The following CARD6 variants were observed in gnomAD, a reference collection of about 807,000 sequenced individuals.
The protein encoded by CARD6 is caspase recruitment domain-containing protein 6.
CARD6 carries 27 observed loss-of-function variants against 23.6 expected under a neutral mutation model. The ratio of observed to expected loss-of-function variants is 1.14; its 90% CI spans 0.84 to 1.58. The LOEUF is 1.58. Among genes scored for constraint, CARD6 ranks in the 40% most tolerant of loss-of-function variants. The probability of loss-of-function intolerance (pLI) is 0.00; values close to 1 mark genes in which losing one functional copy is unlikely to be tolerated. For synonymous variants in CARD6, 397 were observed against 431.8 expected (o/e 0.92, Z 1.00); for missense variants, 1,214 against 1,209.9 (o/e 1.00, Z -0.05).
intron 1 of CARD6, 45 bp from the exon 2 acceptor site, chr5:40,843,107 C>G: frequency 1.5e-6 from 2 of 1,337,672 alleles, no homozygotes; most frequent in Non-Finnish European, 2.1e-6. Flanking sequence ...AGCTGTTATA[C>G]AGCTTCTTTT....
At chr5:40,850,304 C>T (rs1282070121) in intron 2 of CARD6, among the ~76,000 whole-genome samples, 3 of 148,138 alleles carry the variant, frequency 2.0e-5, no homozygotes, top group Non-Finnish European at 4.4e-5. Context: ...GTCCCAGCTA[C>T]TTGGGAGGCT....
chr5:40,854,981 A>T lies in CARD6; in HGVS notation c.*535A>T, dbSNP rs1004189383. The stretch of plus-strand genomic sequence containing the variant: ...AATTAAGACTAGAATCAAGCAGTAG[A>T]TAATTGAATCCAATCTTGGGTATTA... On this transcript the variant is annotated 3_prime_UTR_variant, in exon 3 of 3. Transcript: ENST00000254691. The T allele has an allele frequency of 6.5e-6, 1 of 154,596 alleles. No individual in the cohort carries two copies. Among genetic ancestry groups the T allele is most frequent in the Non-Finnish European group, 1.4e-5 (1 of 69,576 alleles). 9.6% of individuals were successfully genotyped at this position (154,596 alleles called of 1,614,324 possible).
At chr5:40,845,933 T>A (rs1000992001) in intron 2 of CARD6, among the ~76,000 whole-genome samples, 1 of 152,118 alleles carries the variant, frequency 6.6e-6, no homozygotes, top group African/African-American at 2.4e-5. Flanking sequence ...CACTCATGCA[T>A]CTGTGATGAG....
In CARD6 at chr5:40,854,470, A is replaced by C. The variant is rs758643448; in HGVS notation, c.*24A>C. 2.4e-5 allele frequency: 37 copies of C among 1,571,546 alleles called. No individual in the cohort carries two copies. In the South Asian group the frequency reaches 3.9e-4, roughly 17 times the overall value. On this transcript the variant is annotated 3_prime_UTR_variant, in exon 3 of 3. Transcript: ENST00000254691. ...AAAGAGCTAACTCCAGAGATCTATA[A>C]AGCATATCCTTTACCCAGGCCATTC... is the stretch of plus-strand genomic sequence containing the variant.
rs779593845 is a variant in CARD6 at position 40,841,661 on chromosome 5, G to T, written c.279G>T (p.Arg93Ser). 1.2e-6 allele frequency: 2 copies of T among 1,612,038 alleles called. No individual in the cohort carries two copies. Among genetic ancestry groups the T allele is most frequent in the Non-Finnish European group, 1.7e-6 (2 of 1,178,856 alleles). ...AGTCAGCTGCCATTTGCGGCTTAAG[G>T]CATGGTAAGTTGACTTTGTATACTT... ...FPQSAAICGL[R>S]HEVLKHENTV... The change falls in exon 1 of 3, where the codon AGG becomes AGT. Residue 93 changes from arginine to serine, a missense_variant. Coordinates refer to ENST00000254691, the MANE Select transcript of CARD6 (RefSeq NM_032587.4).
intron 2 of CARD6, among the ~76,000 whole-genome samples, chr5:40,847,576 C>T (rs1182406418): frequency 6.6e-6 from 1 of 152,052 alleles, no homozygotes; most frequent in Non-Finnish European, 1.5e-5. Context: ...TTTTATTTTG[C>T]CTTCATTCCA....
Position 40,841,619 on chromosome 5 carries a change from A to AT in CARD6, c.240dup (p.Ser81Ter), listed in dbSNP as rs1452270753. ...CCTGTCAGCATTTTCTCAAGTGTTTATTTAGTACTTTTCCACAGTCAGCTG... is the reference window on the plus strand; with the variant it reads ...CCTGTCAGCATTTTCTCAAGTGTTTATTTTAGTACTTTTCCACAGTCAGCTG... On this transcript the variant is annotated frameshift_variant, in exon 1 of 3. Coordinates refer to ENST00000254691, the MANE Select transcript of CARD6 (RefSeq NM_032587.4). LOFTEE classifies it high-confidence loss of function. 6.2e-7 allele frequency: 1 copy of AT among 1,613,952 alleles called. No homozygotes were observed. Among genetic ancestry groups the AT allele is most frequent in the Non-Finnish European group, 8.5e-7 (1 of 1,179,980 alleles).
At position 40,854,369 on chromosome 5, in the gene CARD6, A is replaced by C. The variant is rs1314233284; in HGVS notation, c.3037A>C (p.Lys1013Gln). The change falls in exon 3 of 3, where the codon AAG (lysine) becomes CAG (glutamine). Residue 1013 changes from lysine to glutamine, a missense_variant. By Grantham distance (53) the Lys-to-Gln change is moderately conservative. Coordinates refer to ENST00000254691, the MANE Select transcript of CARD6 (RefSeq NM_032587.4). ...KPSQPRPPQP[K>Q]SSSTNPSQAK... ...TTCTCAGCCCAGACCCCCTCAACCT[A>C]AGTCATCCTCAACCAATCCTTCACA... is the stretch of plus-strand genomic sequence containing the variant. 2 of 1,613,874 alleles carry C rather than the reference A, an allele frequency of 1.2e-6. No homozygotes were observed. Among genetic ancestry groups the C allele is most frequent in the African/African-American group, 1.3e-5 (1 of 74,874 alleles).
In CARD6 at chr5:40,854,361, C is replaced by T. The variant is rs1184302679; in HGVS notation, c.3029C>T (p.Pro1010Leu). 1.2e-5 allele frequency: 20 copies of T among 1,614,060 alleles called. No individual in the cohort carries two copies. The highest frequency in any genetic ancestry group is 1.6e-5 in the Non-Finnish European group (19 of 1,180,034). ...TCTAAGCCTTCTCAGCCCAGACCCC[C>T]TCAACCTAAGTCATCCTCAACCAAT... The part of the protein sequence containing the change: ...PQSKPSQPRP[P>L]QPKSSSTNPS... The change falls in exon 3 of 3, where the codon CCT becomes CTT. Residue 1010 changes from proline to leucine, a missense_variant. Pro to Leu is a moderately conservative substitution (Grantham distance 98, BLOSUM62 -3). Coordinates refer to ENST00000254691, the MANE Select transcript of CARD6 (RefSeq NM_032587.4).
chr5:40,854,467 A>G lies in CARD6; in HGVS notation c.*21A>G, dbSNP rs752922637. On this transcript the variant is annotated 3_prime_UTR_variant, in exon 3 of 3. Coordinates refer to ENST00000254691, the MANE Select transcript of CARD6 (RefSeq NM_032587.4). ...ATTAAAGAGCTAACTCCAGAGATCT[A>G]TAAAGCATATCCTTTACCCAGGCCA... 12 of 1,576,280 alleles carry G rather than the reference A, an allele frequency of 7.6e-6. No homozygotes were observed. The East Asian group carries it at 1.1e-4, about 15-fold the overall frequency.
intron 2 of CARD6, among the ~76,000 whole-genome samples, chr5:40,846,991 AC>A (rs1745977327): frequency 6.6e-6 from 1 of 152,212 alleles, no homozygotes; most frequent in African/African-American, 2.4e-5. Context: ...GATAGCAAAG[AC>A]TATGGATACC....
chr5:40,848,302 T>G (rs1173624851), intron 2 of CARD6, among the ~76,000 whole-genome samples: 1 of 150,326 alleles, frequency 6.7e-6, no homozygotes, highest in African/African-American at 2.4e-5. Context: ...CTCAGTCTCC[T>G]AGGCTGAGGC....
At position 40,853,614 on chromosome 5, in the gene CARD6, A is replaced by G; in HGVS notation, c.2282A>G (p.Gln761Arg). 6.2e-7 allele frequency: 1 copy of G among 1,614,238 alleles called. No individual in the cohort carries two copies. Among genetic ancestry groups the G allele is most frequent in the Non-Finnish European group, 8.5e-7 (1 of 1,180,038 alleles). ...ATGGGCCGCCCCTTTGGGTCAGAGC[A>G]GAGGCCTAAGTGGTTCCATCCTTTG... ...WVMGRPFGSE[Q>R]RPKWFHPLPF... Residue 761 changes from glutamine to arginine, a missense_variant, in exon 3 of 3, where the codon CAG (glutamine) becomes CGG (arginine). Physicochemically the swap from Gln to Arg is conservative, Grantham distance 43 (BLOSUM62 1). Coordinates refer to ENST00000254691, the MANE Select transcript of CARD6 (RefSeq NM_032587.4).
At position 40,853,283 on chromosome 5, in the gene CARD6, A is replaced by G. The variant is rs1746111900; in HGVS notation, c.1951A>G (p.Arg651Gly). ...TGTGGAGGATATGGCCGCCCTGGCC[A>G]GGGAGCTGGGGATTCAGGTAGATGA... Reference protein sequence around the residue: ...VSVEDMAALARELGIQVDEDF... With the variant: ...VSVEDMAALAGELGIQVDEDF... The change falls in exon 3 of 3, where the codon AGG becomes GGG. Residue 651 changes from arginine (R) to glycine (G), a missense_variant. By Grantham distance (125) the Arg-to-Gly change is moderately radical (BLOSUM62 -2). Coordinates refer to ENST00000254691, the MANE Select transcript of CARD6 (RefSeq NM_032587.4). The G allele has an allele frequency of 3.1e-6, 5 of 1,614,190 alleles. No homozygotes were observed. The highest frequency in any genetic ancestry group is 3.3e-4 in the Middle Eastern group (2 of 6,062).
At position 40,841,450 on chromosome 5, in the gene CARD6, A is replaced by C; in HGVS notation, c.68A>C (p.Gln23Pro). Residue 23 changes from glutamine (Q) to proline (P), a missense_variant, in exon 1 of 3, where the codon CAA becomes CCA. Coordinates refer to ENST00000254691, the MANE Select transcript of CARD6 (RefSeq NM_032587.4). ...RERKKLLEIL[Q>P]HDPDSILDTL... Reference sequence around the variant, plus strand: ...AGAAAAAAGTTGCTTGAAATCCTTCAACATGATCCTGATTCTATCTTAGAC... The same window carrying C: ...AGAAAAAAGTTGCTTGAAATCCTTCCACATGATCCTGATTCTATCTTAGAC... 6.2e-7 allele frequency: 1 copy of C among 1,613,706 alleles called. No individual in the cohort carries two copies. The highest frequency in any genetic ancestry group is 8.5e-7 in the Non-Finnish European group (1 of 1,179,848).
chr5:40,844,851 G>A (rs1055897945), intron 2 of CARD6, among the ~76,000 whole-genome samples: 1 of 150,666 alleles, frequency 6.6e-6, no homozygotes, highest in Non-Finnish European at 1.5e-5. Context: ...TCAAAGTACT[G>A]ACAGGGTTGC....
Position 40,852,374 on chromosome 5 carries a change from A to C in CARD6, c.1042A>C (p.Lys348Gln), listed in dbSNP as rs1746082496. Residue 348 changes from lysine (K) to glutamine (Q), a missense_variant, in exon 3 of 3, where the codon AAG (lysine) becomes CAG (glutamine). Physicochemically the swap from Lys to Gln is moderately conservative, Grantham distance 53 (BLOSUM62 1). Transcript: ENST00000254691. ...GGCTAGGGATTCAATCCTCAGTCAC[A>C]AGGTTCTGGATGAAGATAGCAAGGA... ...VTARDSILSH[K>Q]VLDEDSKEDL... 6.2e-7 allele frequency: 1 copy of C among 1,613,996 alleles called. No homozygotes were observed. The highest frequency in any genetic ancestry group is 1.7e-5 in the Admixed American group (1 of 59,968).
At position 40,854,504 on chromosome 5, in the gene CARD6, T is replaced by C. The variant is rs1342901744; in HGVS notation, c.*58T>C. Reference sequence around the variant, plus strand: ...CTTTACCCAGGCCATTCCTATCATATAGTAAGCAGAAGAGTTGCCATGAAA... The same window carrying C: ...CTTTACCCAGGCCATTCCTATCATACAGTAAGCAGAAGAGTTGCCATGAAA... On this transcript the variant is annotated 3_prime_UTR_variant, in exon 3 of 3. Coordinates refer to ENST00000254691, the MANE Select transcript of CARD6 (RefSeq NM_032587.4). 2 of 1,370,670 alleles carry C rather than the reference T, an allele frequency of 1.5e-6. No individual in the cohort carries two copies. Among genetic ancestry groups the C allele is most frequent in the South Asian group, 1.3e-5 (1 of 79,108 alleles). The allele number at this position is 1,370,670 out of a possible 1,614,324, so 84.9% of individuals were successfully genotyped here. A position where few individuals can be genotyped will look rare whatever the true frequency, so the allele number is the denominator to read the frequency against.
In CARD6 at chr5:40,841,619, A is replaced by G. The variant is rs567395191; in HGVS notation, c.237A>G (p.Leu79=). 1.2e-6 allele frequency: 2 copies of G among 1,614,070 alleles called. No homozygotes were observed. The highest frequency in any genetic ancestry group is 1.7e-6 in the Non-Finnish European group (2 of 1,179,972). The change falls in exon 1 of 3, where the codon TTA becomes TTG. Residue 79 remains leucine, a synonymous_variant. Coordinates refer to ENST00000254691, the MANE Select transcript of CARD6 (RefSeq NM_032587.4). The part of the protein sequence containing the change: ...EATCQHFLKC[L]FSTFPQSAAI... ...CCTGTCAGCATTTTCTCAAGTGTTTATTTAGTACTTTTCCACAGTCAGCTG... is the reference window on the plus strand; with the variant it reads ...CCTGTCAGCATTTTCTCAAGTGTTTGTTTAGTACTTTTCCACAGTCAGCTG...
Sources: allele counts gnomAD v4.1 joint callset (sites outside exome capture counted in the v4.1 genomes callset), GRCh38; gene constraint gnomAD v4.1.1; transcripts MANE v1.5; gene names NCBI Gene and HGNC (gene_info 2026-07-23, HGNC 2026-07-21).